SETBP1: variants seen among roughly 807,000 people sequenced by gnomAD.
SETBP1 encodes the protein SET-binding protein.
A neutral mutation model predicts 101.0 loss-of-function variants in SETBP1; 9 were observed. The ratio of observed to expected loss-of-function variants is 0.09; its 90% CI spans 0.05 to 0.16. The LOEUF (loss-of-function observed/expected upper bound fraction) is 0.16. Ranked by LOEUF, SETBP1 falls within the 10% of genes least tolerant of loss-of-function variation. The pLI is 1.00. For missense variants in SETBP1, 1,858 were observed against 2,033.8 expected (o/e 0.91, Z 1.66); for synonymous variants, 818 against 788.5 (o/e 1.04, Z -0.63).
At chr18:45,005,830 T>C (rs2145354607) in intron 4 of SETBP1, among the ~76,000 whole-genome samples, 1 of 151,312 alleles carries the variant, frequency 6.6e-6, no homozygotes, top group Admixed American at 6.6e-5. Flanking sequence ...GTATTTTTAG[T>C]AGAGACGGGG....
At chr18:44,782,594 A>G (rs1445125606) in intron 2 of SETBP1, among the ~76,000 whole-genome samples, 2 of 152,154 alleles carry the variant, frequency 1.3e-5, no homozygotes, top group Admixed American at 6.5e-5. Context: ...TTGGGACTCC[A>G]GAGGGGGGCT....
chr18:44,828,420 C>G (rs1013677836), intron 2 of SETBP1, among the ~76,000 whole-genome samples: 1 of 152,194 alleles, frequency 6.6e-6, no homozygotes, highest in Admixed American at 6.5e-5. Flanking sequence ...GATGAAAATT[C>G]AGATACTACT....
intron 4 of SETBP1, 77 bp downstream of exon 4, chr18:44,953,417 C>A: frequency 7.7e-7 from 1 of 1,303,572 alleles, no homozygotes; most frequent in Non-Finnish European, 1.1e-6. Context: ...ACATCTGTGG[C>A]ACATTGTGTT....
intron 2 of SETBP1, among the ~76,000 whole-genome samples, chr18:44,864,696 G>A (rs879455677): frequency 3.3e-5 from 5 of 151,956 alleles, no homozygotes; most frequent in Non-Finnish European, 7.4e-5. Flanking sequence ...TCTGCACCCC[G>A]CACCCTCTCG....
intron 4 of SETBP1, among the ~76,000 whole-genome samples, chr18:44,996,983 CTT>C (rs2072511191): frequency 3.3e-5 from 5 of 152,176 alleles, no homozygotes; most frequent in Admixed American, 3.3e-4. Context: ...CTTCAAGACT[CTT>C]TATTGACTAG....
intron 4 of SETBP1, among the ~76,000 whole-genome samples, chr18:44,963,285 G>A (rs1293180141): frequency 6.6e-6 from 1 of 152,122 alleles, no homozygotes; most frequent in Non-Finnish European, 1.5e-5. Context: ...TAACTAATAG[G>A]CAATTTAGTC....
At chr18:44,940,018 T>C (rs929643923) in intron 3 of SETBP1, among the ~76,000 whole-genome samples, 6 of 152,240 alleles carry the variant, frequency 3.9e-5, no homozygotes, top group African/African-American at 1.4e-4. Context: ...TGTGGAATCA[T>C]CTCTTAGTTA....
intron 2 of SETBP1, among the ~76,000 whole-genome samples, chr18:44,799,333 C>A (rs1434738636): frequency 6.6e-6 from 1 of 152,054 alleles, no homozygotes; most frequent in African/African-American, 2.4e-5. Context: ...CATGCCCCAC[C>A]TAAACTTGGC....
chr18:45,047,153 T>C (rs1385920053), intron 5 of SETBP1, among the ~76,000 whole-genome samples: 3 of 152,168 alleles, frequency 2.0e-5, no homozygotes, highest in Non-Finnish European at 2.9e-5. Flanking sequence ...ATAGTATCAT[T>C]CACACCTCCA....
At chr18:44,996,183 T>G (rs997886092) in intron 4 of SETBP1, among the ~76,000 whole-genome samples, 1 of 152,208 alleles carries the variant, frequency 6.6e-6, no homozygotes, top group African/African-American at 2.4e-5. Context: ...AAAATACTTA[T>G]GAGGCTGCAG....
intron 2 of SETBP1, among the ~76,000 whole-genome samples, chr18:44,730,215 TATATA>T (rs570139627): frequency 2.2e-4 from 33 of 152,328 alleles, no homozygotes; most frequent in East Asian, 1.2e-3. Flanking sequence ...GAAGAAAAAT[TATATA>T]ATATAGGTTC....
At chr18:44,978,177 T>C (rs543760030) in intron 4 of SETBP1, among the ~76,000 whole-genome samples, 25 of 152,296 alleles carry the variant, frequency 1.6e-4, no homozygotes, top group South Asian at 1.0e-3. Flanking sequence ...ACAGTCACAA[T>C]TGATGACATA....
intron 3 of SETBP1, among the ~76,000 whole-genome samples, chr18:44,928,214 A>G (rs1490273373): frequency 2.6e-5 from 4 of 152,196 alleles, no homozygotes; most frequent in South Asian, 2.1e-4. Context: ...TTTGCTCAGA[A>G]TGATGGTTTC....
intron 4 of SETBP1, among the ~76,000 whole-genome samples, chr18:44,973,647 A>C (rs2071918717): frequency 6.6e-6 from 1 of 152,184 alleles, no homozygotes; most frequent in Non-Finnish European, 1.5e-5. Context: ...CCCGATGGCT[A>C]GACATAGAAA....
At chr18:44,815,528 A>G (rs187226965) in intron 2 of SETBP1, among the ~76,000 whole-genome samples, 2 of 152,298 alleles carry the variant, frequency 1.3e-5, no homozygotes, top group East Asian at 3.9e-4. Flanking sequence ...CTGGAGATAT[A>G]CAAGTGGCAG....
intron 2 of SETBP1, among the ~76,000 whole-genome samples, chr18:44,763,433 G>T (rs2070702244): frequency 6.6e-6 from 1 of 152,188 alleles, no homozygotes; most frequent in African/African-American, 2.4e-5. Flanking sequence ...TTCCTGGCAT[G>T]TGGTGAGAAA....
At chr18:44,764,568 G>T (rs1389722177) in intron 2 of SETBP1, among the ~76,000 whole-genome samples, 1 of 152,114 alleles carries the variant, frequency 6.6e-6, no homozygotes, top group African/African-American at 2.4e-5. Flanking sequence ...CGCCTCCTGG[G>T]TTCAAGCAAT....
At chr18:44,974,605 G>A (rs2071944742) in intron 4 of SETBP1, among the ~76,000 whole-genome samples, 1 of 152,154 alleles carries the variant, frequency 6.6e-6, no homozygotes, top group African/African-American at 2.4e-5. Context: ...GGACTCATGT[G>A]CACAGGTGGG....
chr18:44,726,499 A>T (rs1489987943), intron 2 of SETBP1, among the ~76,000 whole-genome samples: 3 of 152,222 alleles, frequency 2.0e-5, no homozygotes, highest in Non-Finnish European at 2.9e-5. Context: ...GGGAGGTTGA[A>T]TAACTTGCCA....
Sources: gnomAD v4.1 joint callset for allele counts (sites outside exome capture counted in the v4.1 genomes callset) on GRCh38, gnomAD v4.1.1 for gene constraint, MANE v1.5 for transcripts, NCBI Gene and HGNC (gene_info 2026-07-23, HGNC 2026-07-21) for gene names.